Variants in HTR1F observed in about 807,000 individuals in gnomAD.
The protein encoded by HTR1F is 5-hydroxytryptamine receptor 1F.
Under a neutral mutation model 24.0 loss-of-function variants are expected in HTR1F, and 17 were observed. The ratio of observed to expected loss-of-function variants is 0.71; its 90% CI spans 0.48 to 1.06. The LOEUF is 1.06. Among genes scored for constraint, HTR1F ranks in the 50% least tolerant of loss-of-function variants. The probability of loss-of-function intolerance (pLI) is 0.00; values close to 1 mark genes in which losing one functional copy is unlikely to be tolerated. For missense variants in HTR1F, 391 were observed against 427.8 expected, an observed-to-expected ratio of 0.91 and a Z score of 0.76; for synonymous variants, 186 against 156.8, an observed-to-expected ratio of 1.19 and a Z score of -1.39.
chr3:87,898,081 T>C (rs974598241), intron 2 of HTR1F, among the ~76,000 whole-genome samples: 16 of 152,102 alleles, frequency 1.1e-4, no homozygotes, highest in East Asian at 3.9e-4. Flanking sequence ...AATAGATGCA[T>C]GTACAACTAG....
chr3:87,956,235 T>A (rs1704940463), intron 2 of HTR1F, among the ~76,000 whole-genome samples: 1 of 151,428 alleles, frequency 6.6e-6, no homozygotes, highest in Non-Finnish European at 1.5e-5. Context: ...GAATTGATAA[T>A]CATTATTTTT....
intron 2 of HTR1F, among the ~76,000 whole-genome samples, chr3:87,883,423 G>A (rs1470859490): frequency 6.6e-6 from 1 of 152,120 alleles, no homozygotes; most frequent in Non-Finnish European, 1.5e-5. Flanking sequence ...CTCCTCCAAA[G>A]GATTACAGCT....
chr3:87,984,729 A>T (rs914618009), intron 2 of HTR1F, among the ~76,000 whole-genome samples: 2 of 152,130 alleles, frequency 1.3e-5, no homozygotes, highest in African/African-American at 4.8e-5. Flanking sequence ...AAGTGCTGGG[A>T]TTACAGGCGT....
intron 2 of HTR1F, among the ~76,000 whole-genome samples, chr3:87,851,491 A>G (rs1334948020): frequency 1.3e-5 from 2 of 151,610 alleles, no homozygotes; most frequent in Admixed American, 1.3e-4. Flanking sequence ...TAGGGGCTTT[A>G]TTAGCTTTTT....
At chr3:87,895,663 T>C (rs1173205178) in intron 2 of HTR1F, among the ~76,000 whole-genome samples, 2 of 152,200 alleles carry the variant, frequency 1.3e-5, no homozygotes, top group Non-Finnish European at 2.9e-5. Context: ...CTGCCCTTCA[T>C]AGTTTTCAAC....
intron 2 of HTR1F, among the ~76,000 whole-genome samples, chr3:87,930,391 G>C (rs1704232778): frequency 6.6e-6 from 1 of 152,136 alleles, no homozygotes; most frequent in East Asian, 1.9e-4. Flanking sequence ...TCCAGCTTTT[G>C]CCCATTTGGT....
At position 87,851,746 on chromosome 3, in the gene HTR1F, A is replaced by G. The variant is rs573396230; in HGVS notation, c.-43+29622A>G. 2.7e-4 allele frequency among the ~76,000 whole-genome samples: 41 copies of G among 151,770 alleles called. 1 individual carries two copies. Among genetic ancestry groups the G allele is most frequent in the African/African-American group, 9.7e-4 (40 of 41,296 alleles). ...TTTAATTGCTATGGTATAGGTTTAC[A>G]GGATTAGCATTACCAGGCCTAACCA... On this transcript the variant is annotated intron_variant, in intron 2 of 2. Coordinates refer to ENST00000319595, the MANE Select transcript of HTR1F (RefSeq NM_001322209.2).
At chr3:87,908,730 G>A (rs1451785885) in intron 2 of HTR1F, among the ~76,000 whole-genome samples, 1 of 152,006 alleles carries the variant, frequency 6.6e-6, no homozygotes, top group Non-Finnish European at 1.5e-5. Context: ...ATGAATGGAT[G>A]AATAAACTTG....
chr3:87,853,260 T>C (rs1226487782), intron 2 of HTR1F, among the ~76,000 whole-genome samples: 1 of 151,942 alleles, frequency 6.6e-6, no homozygotes, highest in African/African-American at 2.4e-5. Flanking sequence ...GTGTGTGTTG[T>C]TCCTATTTGT....
chr3:87,928,249 T>G (rs1445892617), intron 2 of HTR1F, among the ~76,000 whole-genome samples: 1 of 152,098 alleles, frequency 6.6e-6, no homozygotes, highest in African/African-American at 2.4e-5. Flanking sequence ...TTTCACCACA[T>G]TGGCCAGGCT....
At chr3:87,967,083 G>A (rs1705180800) in intron 2 of HTR1F, among the ~76,000 whole-genome samples, 1 of 152,056 alleles carries the variant, frequency 6.6e-6, no homozygotes, top group South Asian at 2.1e-4. Flanking sequence ...TAATAGTAAA[G>A]AAATTTAAAT....
At chr3:87,972,431 C>T (rs951505966) in intron 2 of HTR1F, among the ~76,000 whole-genome samples, 3 of 152,070 alleles carry the variant, frequency 2.0e-5, no homozygotes, top group African/African-American at 7.2e-5. Flanking sequence ...TTTATTCATC[C>T]TTGAATATAT....
At chr3:87,927,148 A>G (rs1210774695) in intron 2 of HTR1F, among the ~76,000 whole-genome samples, 1 of 152,164 alleles carries the variant, frequency 6.6e-6, no homozygotes, top group African/African-American at 2.4e-5. Flanking sequence ...TACCATGGTT[A>G]TATGCCACAA....
At chr3:87,938,092 T>C (rs1423744849) in intron 2 of HTR1F, among the ~76,000 whole-genome samples, 1 of 152,024 alleles carries the variant, frequency 6.6e-6, no homozygotes, top group African/African-American at 2.4e-5. Context: ...CACCAAAGTC[T>C]CAGTACACAA....
intron 2 of HTR1F, among the ~76,000 whole-genome samples, chr3:87,986,309 A>G (rs1290172415): frequency 6.6e-6 from 1 of 152,216 alleles, no homozygotes; most frequent in Non-Finnish European, 1.5e-5. Context: ...ACCCAACGCC[A>G]TTGGTTGCCT....
chr3:87,976,402 C>G (rs1456821806), intron 2 of HTR1F, among the ~76,000 whole-genome samples: 1 of 152,046 alleles, frequency 6.6e-6, no homozygotes, highest in Admixed American at 6.5e-5. Flanking sequence ...AAAAAAAAAT[C>G]TAGCTGGACA....
At chr3:87,832,118 A>G (rs1704591606) in intron 2 of HTR1F, among the ~76,000 whole-genome samples, 1 of 152,168 alleles carries the variant, frequency 6.6e-6, no homozygotes, top group Non-Finnish European at 1.5e-5. Context: ...CCACCTGCCT[A>G]GAAGCTAAAA....
chr3:87,978,467 A>C (rs1209448928), intron 2 of HTR1F, among the ~76,000 whole-genome samples: 2 of 152,154 alleles, frequency 1.3e-5, no homozygotes, highest in African/African-American at 4.8e-5. Context: ...CTCTCAGTAC[A>C]GTACAGCTCT....
At chr3:87,815,387 T>C (rs1202863422) in intron 1 of HTR1F, among the ~76,000 whole-genome samples, 1 of 152,080 alleles carries the variant, frequency 6.6e-6, no homozygotes, top group Non-Finnish European at 1.5e-5. Context: ...AGTAAGCTTA[T>C]GGTAGTATCA....
Sources: allele counts gnomAD v4.1 joint callset (sites outside exome capture counted in the v4.1 genomes callset), GRCh38; gene constraint gnomAD v4.1.1; transcripts MANE v1.5; gene names NCBI Gene and HGNC (gene_info 2026-07-23, HGNC 2026-07-21).